Variants in RNF7 observed in about 807,000 individuals in gnomAD.
RNF7 encodes RING-box protein 2.
RNF7 carries 9 observed loss-of-function variants against 17.0 expected under a neutral mutation model. The ratio of observed to expected loss-of-function variants is 0.53; its 90% CI spans 0.32 to 0.92. RNF7 has a LOEUF of 0.92. Ranked by LOEUF, RNF7 falls within the 40% of genes least tolerant of loss-of-function variation. RNF7 has a pLI of 0.04. For missense variants in RNF7, 87 were observed against 145.8 expected (o/e 0.60, Z 2.08); for synonymous variants, 59 against 50.5 (o/e 1.17, Z -0.72).
Position 141,738,528 on chromosome 3 carries a change from A to G in RNF7, c.175+12A>G, listed in dbSNP as rs1169181005. ...GGTCCAGGTGATGGGTAAGCGCTGC[A>G]CGCGAGTCCAGGGCCGCCCTGCGGC... On this transcript the variant is annotated intron_variant, in intron 1 of 2. Transcript: ENST00000273480. 1 of 1,604,686 alleles carries G rather than the reference A, an allele frequency of 6.2e-7. No individual in the cohort carries two copies. The highest frequency in any genetic ancestry group is 1.7e-5 in the Admixed American group (1 of 59,502).
At chr3:141,741,440 TA>T in intron 1 of RNF7, among the ~76,000 whole-genome samples, 1 of 152,290 alleles carries the variant, frequency 6.6e-6, no homozygotes, top group East Asian at 1.9e-4. Context: ...GGTGTTTTTT[TA>T]AGGGTAAGAG....
chr3:141,742,910 A>G (rs2084435508), intron 1 of RNF7: 2 of 1,078,538 alleles, frequency 1.9e-6, no homozygotes. Flanking sequence ...CTGTGTCAGT[A>G]AGTATGGATG....
chr3:141,741,455 G>A (rs781136283), intron 1 of RNF7, among the ~76,000 whole-genome samples: 1 of 152,220 alleles, frequency 6.6e-6, no homozygotes, highest in African/African-American at 2.4e-5. Context: ...GTAAGAGCAT[G>A]TGGAAAGGAG....
chr3:141,742,915 T>A, intron 1 of RNF7: 1 of 1,045,834 alleles, frequency 9.6e-7, no homozygotes, highest in Non-Finnish European at 1.2e-6. Flanking sequence ...TCAGTAAGTA[T>A]GGATGACTTT....
intron 1 of RNF7, 46 bp from the exon 2 acceptor site, chr3:141,743,463 T>G (rs896453546): frequency 2.0e-6 from 3 of 1,503,426 alleles, no homozygotes; most frequent in African/African-American, 2.8e-5. Flanking sequence ...TTTTAAAAAT[T>G]GCATTCTGAG....
At chr3:141,741,034 G>A (rs2084411075) in intron 1 of RNF7, among the ~76,000 whole-genome samples, 1 of 152,216 alleles carries the variant, frequency 6.6e-6, no homozygotes, top group African/African-American at 2.4e-5. Flanking sequence ...CTGATGAAAA[G>A]GGGAATAGGT....
chr3:141,745,449 A>G lies in RNF7; in HGVS notation c.*172A>G, dbSNP rs1577901441. ...CTTGGTTTAGCATTTTGTCAGTTTT[A>G]TCTTCAGAAATTCTCTGCGATTAAG... On this transcript the variant is annotated 3_prime_UTR_variant, in exon 3 of 3. Coordinates refer to ENST00000273480, the MANE Select transcript of RNF7 (RefSeq NM_014245.5). 2.3e-6 allele frequency: 1 copy of G among 439,006 alleles called. No individual in the cohort carries two copies. The highest frequency in any genetic ancestry group is 3.9e-5 in the East Asian group (1 of 25,586). 27.2% of individuals were successfully genotyped at this position (439,006 alleles called of 1,614,324 possible).
At position 141,745,750 on chromosome 3, in the gene RNF7, G is replaced by A. The variant is rs2084465145; in HGVS notation, c.*473G>A. ...AATACGTATTTTTGGCAGGGAGAGG[G>A]AACGGTCCATGAAATCTTTATGTGA... On this transcript the variant is annotated 3_prime_UTR_variant, in exon 3 of 3. Transcript: ENST00000273480. The A allele has an allele frequency of 6.6e-6, 1 of 152,442 alleles. No individual in the cohort carries two copies. Among genetic ancestry groups the A allele is most frequent in the African/African-American group, 2.4e-5 (1 of 41,398 alleles). The allele number at this position is 152,442 out of a possible 1,614,324, so 9.4% of individuals were successfully genotyped here. A position where few individuals can be genotyped will look rare whatever the true frequency, so the allele number is the denominator to read the frequency against.
intron 1 of RNF7, chr3:141,742,738 C>G (rs768758643): frequency 1.0e-5 from 13 of 1,279,976 alleles, no homozygotes; most frequent in Middle Eastern, 2.1e-4. Flanking sequence ...CCACAGCCCT[C>G]GCTGTCCCCT....
At chr3:141,743,435 G>T in intron 1 of RNF7, 74 bp from the exon 2 acceptor site, 1 of 1,175,156 alleles carries the variant, frequency 8.5e-7, no homozygotes, top group South Asian at 1.3e-5. Context: ...TAGGGCTTTT[G>T]ACTTTGAAGT....
intron 2 of RNF7, among the ~76,000 whole-genome samples, chr3:141,743,897 T>G (rs2084445833): frequency 6.6e-6 from 1 of 152,226 alleles, no homozygotes; most frequent in South Asian, 2.1e-4. Context: ...TAGGTCACTT[T>G]TGGTTCTAAT....
Position 141,747,536 on chromosome 3 carries a change from A to G in RNF7, c.*2259A>G, listed in dbSNP as rs1238674551. 1.3e-5 allele frequency: 2 copies of G among 152,250 alleles called. No homozygotes were observed. Among genetic ancestry groups the G allele is most frequent in the African/African-American group, 2.4e-5 (1 of 41,460 alleles). The allele number at this position is 152,250 out of a possible 1,614,324, so 9.4% of individuals were successfully genotyped here. A position where few individuals can be genotyped will look rare whatever the true frequency, so the allele number is the denominator to read the frequency against. ...CCTTTACTGTCATGAAGTGAAATTC[A>G]TAAATATATTTCCTACACATATAAT... On this transcript the variant is annotated 3_prime_UTR_variant, in exon 3 of 3. Transcript: ENST00000273480.
chr3:141,738,811 G>A (rs984884672), intron 1 of RNF7, among the ~76,000 whole-genome samples: 1 of 152,252 alleles, frequency 6.6e-6, no homozygotes. Flanking sequence ...GTAATTTCAG[G>A]TAGTGATGGG....
At chr3:141,738,978 C>G (rs1387617964) in intron 1 of RNF7, among the ~76,000 whole-genome samples, 2 of 152,174 alleles carry the variant, frequency 1.3e-5, no homozygotes, top group East Asian at 1.9e-4. Flanking sequence ...TTGGTCACCA[C>G]CAAAGTGATG....
rs540810624 is a variant in RNF7 at position 141,739,571 on chromosome 3, C to T, written c.175+1055C>T. Among the ~76,000 whole-genome samples, 6 of 152,302 alleles carry T rather than the reference C, an allele frequency of 3.9e-5. No homozygotes were observed. The South Asian group carries it at 1.0e-3, about 26-fold the overall frequency. On this transcript the variant is annotated intron_variant, in intron 1 of 2. Coordinates refer to ENST00000273480, the MANE Select transcript of RNF7 (RefSeq NM_014245.5). ...AACGGACATTTCTATCGTTTGAAAA[C>T]TGTGACTTGTCTTGAAAAATGAGAG...
At position 141,738,347 on chromosome 3, in the gene RNF7, C is replaced by T. The variant is rs747872964; in HGVS notation, c.6C>T (p.Ala2=). Residue 2 remains alanine (A), a synonymous_variant, in exon 1 of 3, where the codon GCC becomes GCT. Coordinates refer to ENST00000273480, the MANE Select transcript of RNF7 (RefSeq NM_014245.5). ...GTCGGCTCCGCGGCGCCGCCATGGC[C>T]GACGTGGAAGACGGAGAGGAAACCT... M[A]DVEDGEETCA... 14 of 1,570,488 alleles carry T rather than the reference C, an allele frequency of 8.9e-6. No homozygotes were observed. The highest frequency in any genetic ancestry group is 1.2e-5 in the Non-Finnish European group (14 of 1,158,306).
rs201180797 is a variant in RNF7 at position 141,745,972 on chromosome 3, A to AAT, written c.*696_*697dup. 0.041 allele frequency: 6,113 copies of AAT among 147,640 alleles called. 154 individuals carry two copies. Among genetic ancestry groups the AAT allele is most frequent in the Non-Finnish European group, 0.054 (3,676 of 67,486 alleles). The allele number at this position is 147,640 out of a possible 1,614,324, so 9.1% of individuals were successfully genotyped here. A position where few individuals can be genotyped will look rare whatever the true frequency, so the allele number is the denominator to read the frequency against. On this transcript the variant is annotated 3_prime_UTR_variant, in exon 3 of 3. Transcript: ENST00000273480. ...TTTTCTAGTTCTGGTCAGATGATATAATTTTTTTTTTTTTTTTTTGTGGGG... is the reference window on the plus strand; with the variant it reads ...TTTTCTAGTTCTGGTCAGATGATATAATATTTTTTTTTTTTTTTTTTGTGGGG...
At position 141,738,409 on chromosome 3, in the gene RNF7, A is replaced by G. The variant is rs765540812; in HGVS notation, c.68A>G (p.Lys23Arg). 3.7e-5 allele frequency: 60 copies of G among 1,608,904 alleles called. No homozygotes were observed. Among genetic ancestry groups the G allele is most frequent in the South Asian group, 3.6e-4 (32 of 89,974 alleles). ...LASHSGSSGS[K>R]SGGDKMFSLK... ...TCTCACTCCGGGAGCTCAGGCTCCA[A>G]GTCGGGAGGCGACAAGATGTTCTCC... Residue 23 changes from lysine to arginine, a missense_variant, in exon 1 of 3, where the codon AAG becomes AGG. Transcript: ENST00000273480.
At chr3:141,742,661 C>A in intron 1 of RNF7, 1 of 1,144,010 alleles carries the variant, frequency 8.7e-7, no homozygotes, top group Non-Finnish European at 1.2e-6. Flanking sequence ...AATTGGAGTT[C>A]GTAATTGGTC....
Sources: allele counts gnomAD v4.1 joint callset (sites outside exome capture counted in the v4.1 genomes callset), GRCh38; gene constraint gnomAD v4.1.1; transcripts MANE v1.5; gene names NCBI Gene and HGNC (gene_info 2026-07-23, HGNC 2026-07-21).